Variants in DNAJC13 observed in about 807,000 individuals in gnomAD.
DNAJC13 encodes the protein dnaJ homolog subfamily C member 13.
In DNAJC13, 75 loss-of-function variants were observed where a neutral mutation model predicts 290.5. The ratio of observed to expected loss-of-function variants is 0.26; its 90% CI spans 0.21 to 0.31. DNAJC13 has a LOEUF of 0.31. DNAJC13 is among the 10% of genes least tolerant of loss of function. The pLI, the probability that DNAJC13 is intolerant of heterozygous loss-of-function variation, is 1.00. For missense variants in DNAJC13, 2,260 were observed against 2,674.5 expected (o/e 0.85, Z 3.42); for synonymous variants, 862 against 892.0 (o/e 0.97, Z 0.60).
chr3:132,491,440 G>T lies in DNAJC13; in HGVS notation c.3623+389G>T, dbSNP rs552389607. On this transcript the variant is annotated intron_variant, in intron 32 of 55. Transcript: ENST00000260818. Reference sequence around the variant, plus strand: ...TATACTCCCACTAATTAAAAGCTATGCCCACATAATTTGGATCGATGAATC... The same window carrying T: ...TATACTCCCACTAATTAAAAGCTATTCCCACATAATTTGGATCGATGAATC... Among the ~76,000 whole-genome samples the T allele has an allele frequency of 1.2e-4, 19 of 152,138 alleles. No homozygotes were observed. The South Asian group carries it at 3.5e-3, about 28-fold the overall frequency.
Position 132,502,463 on chromosome 3 carries a change from C to T in DNAJC13, c.4711C>T (p.Gln1571Ter). 3 of 1,603,868 alleles carry T rather than the reference C, an allele frequency of 1.9e-6. No individual in the cohort carries two copies. The highest frequency in any genetic ancestry group is 2.6e-6 in the Non-Finnish European group (3 of 1,174,674). Residue 1571 changes from glutamine (Q) to a stop codon, truncating the protein, a stop_gained, in exon 40 of 56, where the codon CAG (glutamine) becomes TAG (stop). Coordinates refer to ENST00000260818, the MANE Select transcript of DNAJC13 (RefSeq NM_015268.4). LOFTEE classifies it high-confidence loss of function. ...CATTCAGAAAAGTGAAGAAACAAAC[C>T]AGCAGGTAACTTTAACATTGCTTTA... Reference protein sequence around the residue: ...SGIQKSEETNQQEVANSLAKL... With the variant: ...SGIQKSEETN
intron 22 of DNAJC13, among the ~76,000 whole-genome samples, chr3:132,476,993 A>G (rs76569691): frequency 0.093 from 14,110 of 152,246 alleles, 820 homozygotes; most frequent in South Asian, 0.14. Flanking sequence ...ACTTTTTTAC[A>G]GGCTTCACCT....
In DNAJC13 at chr3:132,522,978, G is replaced by A; in HGVS notation, c.5824G>A (p.Val1942Ile). The A allele has an allele frequency of 6.2e-7, 1 of 1,609,928 alleles. No homozygotes were observed. Among genetic ancestry groups the A allele is most frequent in the Non-Finnish European group, 8.5e-7 (1 of 1,178,910 alleles). The change falls in exon 49 of 56, where the codon GTT (valine) becomes ATT (isoleucine). Residue 1942 changes from valine to isoleucine, a missense_variant. Coordinates refer to ENST00000260818, the MANE Select transcript of DNAJC13 (RefSeq NM_015268.4). Reference protein sequence around the residue: ...DNSRDKVSTTVREMMLEHFKN... With the variant: ...DNSRDKVSTTIREMMLEHFKN... ...TTCCAGAGATAAAGTGTCCACAACAGTTAGGGAAATGATGCTAGAGTAAGT... is the reference window on the plus strand; with the variant it reads ...TTCCAGAGATAAAGTGTCCACAACAATTAGGGAAATGATGCTAGAGTAAGT...
intron 1 of DNAJC13, among the ~76,000 whole-genome samples, chr3:132,433,372 C>T (rs1339887421): frequency 6.6e-6 from 1 of 151,714 alleles, no homozygotes; most frequent in East Asian, 1.9e-4. Flanking sequence ...TACCACACTA[C>T]TCAATAGTGT....
intron 1 of DNAJC13, among the ~76,000 whole-genome samples, chr3:132,429,717 A>G (rs541634150): frequency 6.8e-4 from 104 of 152,246 alleles, no homozygotes; most frequent in African/African-American, 2.4e-3. Flanking sequence ...TATAGCATTG[A>G]ATTATTCCAC....
intron 20 of DNAJC13, among the ~76,000 whole-genome samples, chr3:132,469,719 A>C (rs1934120483): frequency 6.6e-6 from 1 of 152,126 alleles, no homozygotes; most frequent in African/African-American, 2.4e-5. Context: ...GCACAGAATT[A>C]AAATTTGTAG....
Position 132,447,933 on chromosome 3 carries a change from A to G in DNAJC13, c.330A>G (p.Thr110=). The G allele has an allele frequency of 6.4e-7, 1 of 1,559,726 alleles. No individual in the cohort carries two copies. The highest frequency in any genetic ancestry group is 1.7e-5 in the Admixed American group (1 of 59,000). ...FRTDFSEGKI[T]GRRYNCYKHH... Reference sequence around the variant, plus strand: ...CTGATTTTTCAGAGGGAAAAATCACAGGAAGGGTAAATATTTAACATTTAT... The same window carrying G: ...CTGATTTTTCAGAGGGAAAAATCACGGGAAGGGTAAATATTTAACATTTAT... The change falls in exon 5 of 56, where the codon ACA becomes ACG. Residue 110 remains threonine (T), a synonymous_variant. Transcript: ENST00000260818.
Position 132,538,362 on chromosome 3 carries a change from T to C in DNAJC13, c.*80T>C. ...CCAGCTGATACGTTGAAGCAAACTC[T>C]TACTGCCTTTCTCCTGGTTTCATGA... On this transcript the variant is annotated 3_prime_UTR_variant, in exon 56 of 56. Transcript: ENST00000260818. 1.2e-5 allele frequency: 13 copies of C among 1,042,338 alleles called. 1 individual carries two copies. The South Asian group carries it at 1.8e-4, about 15-fold the overall frequency. The allele number at this position is 1,042,338 out of a possible 1,614,324, so 64.6% of individuals were successfully genotyped here.
At position 132,538,622 on chromosome 3, in the gene DNAJC13, T is replaced by C. The variant is rs1936671842; in HGVS notation, c.*340T>C. 1 of 173,452 alleles carries C rather than the reference T, an allele frequency of 5.8e-6. No homozygotes were observed. The allele number at this position is 173,452 out of a possible 1,614,324, so 10.7% of individuals were successfully genotyped here. On this transcript the variant is annotated 3_prime_UTR_variant, in exon 56 of 56. Coordinates refer to ENST00000260818, the MANE Select transcript of DNAJC13 (RefSeq NM_015268.4). ...AATTTTTTTTTTGAACTAGCATGAC[T>C]GTAGGGTTGAGCTACAGTCAACAAA...
rs758519786 is a variant in DNAJC13 at position 132,453,609 on chromosome 3, A to G, written c.755A>G (p.Lys252Arg). 1 of 1,611,846 alleles carries G rather than the reference A, an allele frequency of 6.2e-7. No individual in the cohort carries two copies. Among genetic ancestry groups the G allele is most frequent in the Non-Finnish European group, 8.5e-7 (1 of 1,179,420 alleles). ...KISPRHSEPV[K>R]RVLALTETCL... is the part of the protein sequence containing the mutation. ...TTTTATTTTTTGAAGGAGCCTGTTAAAAGAGTTCTAGCACTTACAGAAACA... is the reference window on the plus strand; with the variant it reads ...TTTTATTTTTTGAAGGAGCCTGTTAGAAGAGTTCTAGCACTTACAGAAACA... Residue 252 changes from lysine to arginine, a missense_variant, in exon 8 of 56, where the codon AAA becomes AGA. Transcript: ENST00000260818.
At chr3:132,537,945 A>G (rs750987995) in intron 55 of DNAJC13, among the ~76,000 whole-genome samples, 6 of 152,252 alleles carry the variant, frequency 3.9e-5, no homozygotes. Flanking sequence ...TTTCCACACC[A>G]GTGTTACTGT....
chr3:132,420,714 A>G (rs1187832772), intron 1 of DNAJC13, among the ~76,000 whole-genome samples: 1 of 152,230 alleles, frequency 6.6e-6, no homozygotes, highest in African/African-American at 2.4e-5. Flanking sequence ...TGTTCTGCAG[A>G]TTCATGAAGG....
Position 132,473,307 on chromosome 3 carries a change from G to C in DNAJC13, c.2291+80G>C, listed in dbSNP as rs571541045. 3.2e-5 allele frequency: 31 copies of C among 963,138 alleles called. No individual in the cohort carries two copies. The African/African-American group carries it at 5.2e-4, about 16-fold the overall frequency. 59.7% of individuals were successfully genotyped at this position (963,138 alleles called of 1,614,324 possible). On this transcript the variant is annotated intron_variant, in intron 21 of 55. Transcript: ENST00000260818. The stretch of plus-strand genomic sequence containing the variant: ...GCATCATGACACGTTCTTCTTCCCT[G>C]AAACTGTTGCTTTATGCCACATGTA...
chr3:132,475,405 A>G (rs1255380389), intron 22 of DNAJC13, among the ~76,000 whole-genome samples: 1 of 150,896 alleles, frequency 6.6e-6, no homozygotes, highest in Non-Finnish European at 1.5e-5. Flanking sequence ...ATTGAAACAT[A>G]CCCTGTTTGC....
intron 35 of DNAJC13, 53 bp downstream of exon 35, chr3:132,495,219 A>G (rs1026698343): frequency 5.0e-6 from 7 of 1,406,852 alleles, no homozygotes; most frequent in Non-Finnish European, 6.0e-6. Context: ...CTCTATTATT[A>G]TGTAGTTGGA....
rs1933968868 is a variant in DNAJC13 at position 132,466,044 on chromosome 3, G to A, written c.1942G>A (p.Ala648Thr). ...VGLWTADNATATNLLKRILPP... is the reference protein window; with the variant it reads ...VGLWTADNATTTNLLKRILPP... Reference sequence around the variant, plus strand: ...ACTCTGGACAGCTGATAATGCAACTGCAACAAACTTGTTGAAACGCATTTT... The same window carrying A: ...ACTCTGGACAGCTGATAATGCAACTACAACAAACTTGTTGAAACGCATTTT... Residue 648 changes from alanine (A) to threonine (T), a missense_variant, in exon 18 of 56, where the codon GCA becomes ACA. Ala to Thr is a moderately conservative substitution (Grantham distance 58, BLOSUM62 0). Around this residue, in one of 3 missense-constraint regions of DNAJC13, gnomAD observed 762 missense variants for 964.1 expected, o/e 0.79. Coordinates refer to ENST00000260818, the MANE Select transcript of DNAJC13 (RefSeq NM_015268.4). 1.2e-6 allele frequency: 2 copies of A among 1,613,844 alleles called. No homozygotes were observed. The highest frequency in any genetic ancestry group is 1.7e-6 in the Non-Finnish European group (2 of 1,179,890).
chr3:132,463,918 C>T, intron 17 of DNAJC13, 101 bp downstream of exon 17: 1 of 1,332,718 alleles, frequency 7.5e-7, no homozygotes, highest in African/African-American at 1.5e-5. Context: ...ACAAATAATA[C>T]ATTTTCTTTT....
At chr3:132,476,392 C>G (rs2107690609) in intron 22 of DNAJC13, among the ~76,000 whole-genome samples, 1 of 152,254 alleles carries the variant, frequency 6.6e-6, no homozygotes, top group Middle Eastern at 3.4e-3. Flanking sequence ...TTAGCAAATT[C>G]CATACAGTGC....
intron 1 of DNAJC13, among the ~76,000 whole-genome samples, chr3:132,425,039 A>C (rs1939054434): frequency 6.6e-6 from 1 of 152,136 alleles, no homozygotes; most frequent in African/African-American, 2.4e-5. Flanking sequence ...TCTGTTAGCC[A>C]TTCATATTTT....
Sources: gnomAD v4.1 joint callset for allele counts (sites outside exome capture counted in the v4.1 genomes callset) on GRCh38, gnomAD v4.1.1 for gene constraint, gnomAD v4.1.1 regional missense constraint, MANE v1.5 for transcripts, NCBI Gene and HGNC (gene_info 2026-07-23, HGNC 2026-07-21) for gene names.